TASP1: variants seen among roughly 807,000 people sequenced by gnomAD.
TASP1 encodes the protein taspase 1, also known as threonine aspartase 1.
In TASP1, 16 loss-of-function variants were observed where a neutral mutation model predicts 56.6. The observed-to-expected ratio is 0.28, with a 90% CI of 0.19 to 0.43. TASP1 has a LOEUF of 0.43. Ranked by LOEUF, TASP1 falls within the 20% of genes least tolerant of loss-of-function variation. TASP1 has a pLI of 1.00. For missense variants in TASP1, 393 were observed against 511.6 expected (o/e 0.77, Z 2.24); for synonymous variants, 179 against 184.2 (o/e 0.97, Z 0.23).
At chr20:13,571,028 C>T (rs2046694911) in intron 6 of TASP1, among the ~76,000 whole-genome samples, 2 of 152,102 alleles carry the variant, frequency 1.3e-5, no homozygotes, top group Admixed American at 6.5e-5. Flanking sequence ...GGTTCAATTC[C>T]AGTATCTGGA....
chr20:13,156,366 C>T, the TASP1 span, among the ~76,000 whole-genome samples: 8 of 152,262 alleles, frequency 5.3e-5, no homozygotes, highest in African/African-American at 1.9e-4. Flanking sequence ...AAAACAAATG[C>T]ATGTAACTTC....
chr20:13,547,060 T>C (rs2146981969), intron 8 of TASP1, among the ~76,000 whole-genome samples: 1 of 152,330 alleles, frequency 6.6e-6, no homozygotes, highest in South Asian at 2.1e-4. Flanking sequence ...TCAAAATTAA[T>C]ATTCAAATCA....
rs113068485 is a variant in TASP1, at chr20:13,582,092, A to G, written c.404-1111T>C. On this transcript the variant is annotated intron_variant, in intron 5 of 13. Coordinates refer to ENST00000337743, the MANE Select transcript of TASP1 (RefSeq NM_017714.3). ...ACCAATTGTAGAAATGTAGCTCAAT[A>G]CCAAATCTTCCACAAAAAAAGTATG... is the stretch of plus-strand genomic sequence containing the variant. Among the ~76,000 whole-genome samples the G allele has an allele frequency of 4.3e-3, 655 of 151,230 alleles. 2 individuals carry two copies. The highest frequency in any genetic ancestry group is 7.5e-3 in the Non-Finnish European group (510 of 67,842).
At chr20:13,557,670 C>A (rs113808975) in intron 8 of TASP1, among the ~76,000 whole-genome samples, 12 of 148,330 alleles carry the variant, frequency 8.1e-5, no homozygotes, top group African/African-American at 2.7e-4. Flanking sequence ...AGCCTTGACA[C>A]CCCAGACTCA....
chr20:13,115,890 A>ATGTTCTCTGCT, the TASP1 span, among the ~76,000 whole-genome samples: 2 of 152,214 alleles, frequency 1.3e-5, no homozygotes, highest in African/African-American at 4.8e-5. Context: ...AGCAGAGAAC[A>ATGTTCTCTGCT]TCACGCAAAT....
chr20:13,340,457 T>C, the TASP1 span, among the ~76,000 whole-genome samples: 1 of 152,166 alleles, frequency 6.6e-6, no homozygotes, highest in South Asian at 2.1e-4. Flanking sequence ...AAAAACTCCA[T>C]CATACCAGTA....
chr20:13,583,194 A>G (rs986765865), intron 5 of TASP1, among the ~76,000 whole-genome samples: 12 of 152,128 alleles, frequency 7.9e-5, no homozygotes, highest in African/African-American at 2.9e-4. Flanking sequence ...CCAAAGCCCA[A>G]TCTTTATCCT....
chr20:13,635,683 C>T (rs191904220), intron 1 of TASP1, among the ~76,000 whole-genome samples: 1 of 152,212 alleles, frequency 6.6e-6, no homozygotes, highest in Non-Finnish European at 1.5e-5. Flanking sequence ...CCACCACTCC[C>T]GGCCAACCTT....
chr20:13,615,704 C>T (rs569078492), intron 4 of TASP1, among the ~76,000 whole-genome samples: 4 of 151,946 alleles, frequency 2.6e-5, no homozygotes, highest in South Asian at 2.1e-4. Context: ...GGGGTTTCAC[C>T]GTGTTAGCCA....
At chr20:13,185,772 A>G in the TASP1 span, among the ~76,000 whole-genome samples, 1 of 152,150 alleles carries the variant, frequency 6.6e-6, no homozygotes, top group African/African-American at 2.4e-5. Context: ...AAGTAACTAT[A>G]AACATACTCA....
intron 10 of TASP1, among the ~76,000 whole-genome samples, chr20:13,486,410 A>G (rs564349879): frequency 6.6e-6 from 1 of 152,318 alleles, no homozygotes; most frequent in East Asian, 1.9e-4. Context: ...TAAGTATGAC[A>G]AATGAATGGA....
At chr20:13,113,164 CAGAG>C in the TASP1 span, among the ~76,000 whole-genome samples, 2 of 152,102 alleles carry the variant, frequency 1.3e-5, no homozygotes, top group African/African-American at 2.4e-5. Context: ...GCCTGGGAGA[CAGAG>C]AGAGACTCTG....
the TASP1 span, among the ~76,000 whole-genome samples, chr20:13,189,367 C>A: frequency 1.3e-5 from 2 of 152,142 alleles, no homozygotes; most frequent in East Asian, 3.9e-4. Flanking sequence ...AGTAAACATA[C>A]AACCTACAGA....
At chr20:13,579,490 T>A (rs2047041337) in intron 6 of TASP1, among the ~76,000 whole-genome samples, 2 of 151,914 alleles carry the variant, frequency 1.3e-5, no homozygotes, top group African/African-American at 4.8e-5. Context: ...TGCCTCAACC[T>A]CTAGCTGGGA....
intron 13 of TASP1, among the ~76,000 whole-genome samples, chr20:13,416,569 T>G (rs1443044503): frequency 6.6e-6 from 1 of 152,242 alleles, no homozygotes; most frequent in Non-Finnish European, 1.5e-5. Flanking sequence ...TCCTTTATGA[T>G]TCAATCTGTA....
chr20:13,322,625 G>T, the TASP1 span, among the ~76,000 whole-genome samples: 1 of 152,168 alleles, frequency 6.6e-6, no homozygotes. Flanking sequence ...AGAAAGAAAA[G>T]CCCAAGACCC....
chr20:13,130,252 G>C, the TASP1 span, among the ~76,000 whole-genome samples: 2 of 152,186 alleles, frequency 1.3e-5, no homozygotes, highest in African/African-American at 4.8e-5. Flanking sequence ...CTCACTCTCA[G>C]GGTAAAGTTG....
chr20:13,257,892 C>G, the TASP1 span, among the ~76,000 whole-genome samples: 12 of 152,040 alleles, frequency 7.9e-5, no homozygotes, highest in Non-Finnish European at 2.9e-5. Flanking sequence ...TGCAGACTCT[C>G]TTGTTCTAAC....
At chr20:13,157,513 C>T in the TASP1 span, among the ~76,000 whole-genome samples, 386 of 152,250 alleles carry the variant, frequency 2.5e-3, 2 homozygotes, top group Non-Finnish European at 4.8e-3. Flanking sequence ...GTTCCATTTG[C>T]TTCATAAACT....
Sources: allele counts gnomAD v4.1 joint callset (sites outside exome capture counted in the v4.1 genomes callset), GRCh38; gene constraint gnomAD v4.1.1; transcripts MANE v1.5; gene names NCBI Gene and HGNC (gene_info 2026-07-23, HGNC 2026-07-21).